The following SEMA3F variants were observed in gnomAD, a reference collection of about 807,000 sequenced individuals.
The protein encoded by SEMA3F is semaphorin 3F.
SEMA3F carries 30 observed loss-of-function variants against 98.5 expected under a neutral mutation model. That is an observed-to-expected ratio of 0.30 (90% CI 0.23 to 0.41). The LOEUF (loss-of-function observed/expected upper bound fraction) is 0.41, where lower values mean the gene tolerates loss of function less well. Ranked by LOEUF, SEMA3F falls within the 10% of genes least tolerant of loss-of-function variation. The pLI is 1.00. For synonymous variants in SEMA3F, 380 were observed against 444.8 expected (o/e 0.85, Z 1.83); for missense variants, 866 against 1,119.3 (o/e 0.77, Z 3.23).
At chr3:50,174,962 G>A (rs1251908560) in intron 5 of SEMA3F, 134 bp from the exon 6 acceptor site, 9 of 667,864 alleles carry the variant, frequency 1.3e-5, no homozygotes, top group East Asian at 5.4e-5. Context: ...ATGTACACAC[G>A]CATAGACGTG....
rs1393069123 is a variant in SEMA3F at position 50,166,226 on chromosome 3, T to A, written c.112+6492T>A. Among the ~76,000 whole-genome samples the A allele has an allele frequency of 1.3e-5, 2 of 152,020 alleles. No individual in the cohort carries two copies. The highest frequency in any genetic ancestry group is 2.9e-5 in the Non-Finnish European group (2 of 67,994). ...AGCCAAGAGCCTTGTTCCTTCCCAC[T>A]TGGGGCTCGGTGCTGATGCCCTCAT... On this transcript the variant is annotated intron_variant, in intron 2 of 18. Transcript: ENST00000002829. The surrounding 1 kb of genome is among the most constrained non-coding windows in gnomAD (Gnocchi z 4.7).
At chr3:50,171,926 A>G (rs1464545983) in intron 2 of SEMA3F, among the ~76,000 whole-genome samples, 2 of 152,176 alleles carry the variant, frequency 1.3e-5, no homozygotes, top group Non-Finnish European at 2.9e-5. Context: ...CCGCATAGTC[A>G]GGGCCAGGCA....
At position 50,185,650 on chromosome 3, in the gene SEMA3F, C is replaced by CT. The variant is rs1197696383; in HGVS notation, c.1546-13dup. 3 of 1,613,990 alleles carry CT rather than the reference C, an allele frequency of 1.9e-6. No individual in the cohort carries two copies. The highest frequency in any genetic ancestry group is 2.7e-5 in the African/African-American group (2 of 74,924). The stretch of plus-strand genomic sequence containing the variant: ...GGGGTCCCTGGCATCCCAAGCTGAT[C>CT]TTTATCTTTTTCTAGGATCCAGCAC... On this transcript the variant is annotated splice_polypyrimidine_tract_variant and intron_variant, in intron 14 of 18. Transcript: ENST00000002829.
At position 50,183,573 on chromosome 3, in the gene SEMA3F, C is replaced by T. The variant is rs749594424; in HGVS notation, c.1233+9C>T. 1 of 1,613,258 alleles carries T rather than the reference C, an allele frequency of 6.2e-7. No homozygotes were observed. The highest frequency in any genetic ancestry group is 8.5e-7 in the Non-Finnish European group (1 of 1,179,636). On this transcript the variant is annotated intron_variant, in intron 12 of 18. Coordinates refer to ENST00000002829, the MANE Select transcript of SEMA3F (RefSeq NM_004186.5). ...ACCCACGGCCGGGCACGGTAAGGACCCCACTCATCCTGCCTCTCCCCTTTC... is the reference window on the plus strand; with the variant it reads ...ACCCACGGCCGGGCACGGTAAGGACTCCACTCATCCTGCCTCTCCCCTTTC...
At chr3:50,181,560 G>A (rs1254393732) in intron 7 of SEMA3F, among the ~76,000 whole-genome samples, 1 of 151,724 alleles carries the variant, frequency 6.6e-6, no homozygotes, top group East Asian at 1.9e-4. Context: ...TTGACCTCAT[G>A]ATCTGCCAGC....
chr3:50,179,744 C>G (rs989853769), intron 7 of SEMA3F, among the ~76,000 whole-genome samples: 3 of 152,240 alleles, frequency 2.0e-5, no homozygotes, highest in Admixed American at 2.0e-4. Flanking sequence ...GCTACTTCAC[C>G]TTGCATGTTT....
chr3:50,155,421 C>G lies in SEMA3F; in HGVS notation c.-192C>G, dbSNP rs1697935331. The G allele has an allele frequency of 1.8e-5, 5 of 274,902 alleles. No homozygotes were observed. The highest frequency in any genetic ancestry group is 3.3e-5 in the Non-Finnish European group (5 of 149,838). The allele number at this position is 274,902 out of a possible 1,614,324, so 17.0% of individuals were successfully genotyped here. A position where few individuals can be genotyped will look rare whatever the true frequency, so the allele number is the denominator to read the frequency against. ...GGAACCGGTTAAGCCGCGGCCGCGGCGCCGATCCCGGCTGAGGCGCAGCGG... is the reference window on the plus strand; with the variant it reads ...GGAACCGGTTAAGCCGCGGCCGCGGGGCCGATCCCGGCTGAGGCGCAGCGG... On this transcript the variant is annotated 5_prime_UTR_variant, in exon 1 of 19. Transcript: ENST00000002829. This position sits in a 1 kb window ranked among gnomAD's most constrained non-coding sequence, Gnocchi z 4.9.
intron 7 of SEMA3F, among the ~76,000 whole-genome samples, chr3:50,179,986 A>G (rs1366388358): frequency 6.6e-6 from 1 of 152,194 alleles, no homozygotes; most frequent in Non-Finnish European, 1.5e-5. Context: ...CTTTCTTATC[A>G]TTTGTGTGTT....
At chr3:50,174,970 G>A (rs1442330273) in intron 5 of SEMA3F, 126 bp from the exon 6 acceptor site, 1 of 683,092 alleles carries the variant, frequency 1.5e-6, no homozygotes, top group Non-Finnish European at 2.7e-6. Flanking sequence ...ACGCATAGAC[G>A]TGCTCTGGGG....
chr3:50,159,355 C>T (rs1343078783), intron 1 of SEMA3F: 1 of 428,774 alleles, frequency 2.3e-6, no homozygotes. Flanking sequence ...CTCCAGCAGC[C>T]CCCATCAGTT....
In SEMA3F at chr3:50,182,437, T is replaced by C. The variant is rs200129230; in HGVS notation, c.763+34T>C. 46 of 1,611,720 alleles carry C rather than the reference T, an allele frequency of 2.9e-5. No homozygotes were observed. The East Asian group carries it at 8.5e-4, about 30-fold the overall frequency. On this transcript the variant is annotated intron_variant, in intron 8 of 18. Coordinates refer to ENST00000002829, the MANE Select transcript of SEMA3F (RefSeq NM_004186.5). This position sits in a 1 kb window ranked among gnomAD's most constrained non-coding sequence, Gnocchi z 4.5. Reference sequence around the variant, plus strand: ...AGCCCCAGGAGCCCTTCCGTGGCCATGTGTCTGGGATGCGGCAAGGAGGTC... The same window carrying C: ...AGCCCCAGGAGCCCTTCCGTGGCCACGTGTCTGGGATGCGGCAAGGAGGTC...
chr3:50,162,031 C>G (rs1341226988), intron 2 of SEMA3F, among the ~76,000 whole-genome samples: 1 of 152,234 alleles, frequency 6.6e-6, no homozygotes, highest in Non-Finnish European at 1.5e-5. Flanking sequence ...CACTGTGGCT[C>G]CATGTCATAG....
rs760183999 is a variant in SEMA3F at position 50,185,481 on chromosome 3, G to A, written c.1495G>A (p.Asp499Asn). The A allele has an allele frequency of 1.1e-5, 18 of 1,614,030 alleles. No individual in the cohort carries two copies. The highest frequency in any genetic ancestry group is 1.5e-5 in the Non-Finnish European group (18 of 1,179,970). Residue 499 changes from aspartate (D) to asparagine (N), a missense_variant, in exon 14 of 19, where the codon GAT (aspartate) becomes AAT (asparagine). Around this residue, in one of 3 missense-constraint regions of SEMA3F, gnomAD observed 374 missense variants for 582.8 expected, o/e 0.64. Coordinates refer to ENST00000002829, the MANE Select transcript of SEMA3F (RefSeq NM_004186.5). ...TVQKVIVLPK[D>N]DQELEELMLE... ...GCAGAAGGTCATTGTGCTGCCCAAG[G>A]ATGACCAGGAGTTGGAGGAGCTCAT...
At chr3:50,169,100 G>A (rs1418161528) in intron 2 of SEMA3F, among the ~76,000 whole-genome samples, 4 of 152,174 alleles carry the variant, frequency 2.6e-5, no homozygotes, top group Non-Finnish European at 4.4e-5. Flanking sequence ...GCCCACCTCT[G>A]CTCCAAGACT....
Position 50,174,264 on chromosome 3 carries a change from C to T in SEMA3F, c.370C>T (p.Pro124Ser). The T allele has an allele frequency of 6.2e-7, 1 of 1,613,726 alleles. No homozygotes were observed. Among genetic ancestry groups the T allele is most frequent in the Non-Finnish European group, 8.5e-7 (1 of 1,179,990 alleles). Residue 124 changes from proline (P) to serine (S), a missense_variant, in exon 5 of 19, where the codon CCC (proline) becomes TCC (serine). Physicochemically the swap from Pro to Ser is moderately conservative, Grantham distance 74. This residue lies in a region of SEMA3F where 247 missense variants were observed against 276.0 expected (regional missense o/e 0.89). Transcript: ENST00000002829. ...ECGNFVRLIQ[P>S]WNRTHLYVCG... ...TGGGAACTTCGTCAGGCTCATCCAGCCCTGGAACCGAACACACCTGTATGT... is the reference window on the plus strand; with the variant it reads ...TGGGAACTTCGTCAGGCTCATCCAGTCCTGGAACCGAACACACCTGTATGT...
In SEMA3F at chr3:50,184,620, T is replaced by C; in HGVS notation, c.1262T>C (p.Met421Thr). The change falls in exon 13 of 19, where the codon ATG becomes ACG. Residue 421 changes from methionine (M) to threonine (T), a missense_variant. This residue lies in a region of SEMA3F where 374 missense variants were observed against 582.8 expected (regional missense o/e 0.64). Transcript: ENST00000002829. ...CCTGGTGGAACCTTCACGCCATCTA[T>C]GAAGTCCACCAAGGATTATCCTGAT... ...TCPGGTFTPS[M>T]KSTKDYPDEV... 6.2e-7 allele frequency: 1 copy of C among 1,613,960 alleles called. No individual in the cohort carries two copies. The highest frequency in any genetic ancestry group is 8.5e-7 in the Non-Finnish European group (1 of 1,179,942).
At chr3:50,184,083 G>A (rs1464389323) in intron 12 of SEMA3F, among the ~76,000 whole-genome samples, 1 of 152,206 alleles carries the variant, frequency 6.6e-6, no homozygotes, top group Non-Finnish European at 1.5e-5. Flanking sequence ...CTCAGTGGGG[G>A]ACAGGGGAAG....
At chr3:50,174,575 T>C (rs1269532951) in intron 5 of SEMA3F, among the ~76,000 whole-genome samples, 2 of 152,238 alleles carry the variant, frequency 1.3e-5, no homozygotes, top group Non-Finnish European at 2.9e-5. Context: ...GAGCTAAAGC[T>C]CCCAAAGCTC....
chr3:50,162,091 CAG>C (rs1162468678), intron 2 of SEMA3F, among the ~76,000 whole-genome samples: 1 of 152,222 alleles, frequency 6.6e-6, no homozygotes, highest in Non-Finnish European at 1.5e-5. Flanking sequence ...CCCCAGGCCT[CAG>C]GGGCTCAGGC....
Sources: allele counts gnomAD v4.1 joint callset (sites outside exome capture counted in the v4.1 genomes callset), GRCh38; gene constraint gnomAD v4.1.1; regional missense constraint gnomAD v4.1.1; non-coding constraint Gnocchi (gnomAD v3.1); transcripts MANE v1.5; gene names NCBI Gene and HGNC (gene_info 2026-07-23, HGNC 2026-07-21).